The following FUT8 variants were observed in gnomAD, a reference collection of about 807,000 sequenced individuals.
FUT8 encodes the protein fucosyltransferase 8.
A neutral mutation model predicts 71.3 loss-of-function variants in FUT8; 29 were observed. The ratio of observed to expected loss-of-function variants is 0.41; its 90% CI spans 0.30 to 0.55. The LOEUF (loss-of-function observed/expected upper bound fraction) is 0.55. FUT8 is among the 20% of genes least tolerant of loss of function. The pLI, the probability that FUT8 is intolerant of heterozygous loss-of-function variation, is 0.34. For synonymous variants in FUT8, 254 were observed against 239.3 expected (o/e 1.06, Z -0.57); for missense variants, 544 against 702.1 (o/e 0.77, Z 2.55).
intron 6 of FUT8, among the ~76,000 whole-genome samples, chr14:65,664,691 G>T (rs1346420325): frequency 6.6e-6 from 1 of 152,012 alleles, no homozygotes; most frequent in East Asian, 1.9e-4. Context: ...TTGTTTCTAG[G>T]GCTCTGCTTG....
intron 6 of FUT8, among the ~76,000 whole-genome samples, chr14:65,639,086 C>A (rs1890705218): frequency 1.3e-5 from 2 of 151,710 alleles, no homozygotes; most frequent in Non-Finnish European, 2.9e-5. Context: ...AAAGAAAATA[C>A]CTTTTCCAAG....
chr14:65,681,645 T>C (rs1380176539), intron 7 of FUT8, among the ~76,000 whole-genome samples: 1 of 152,360 alleles, frequency 6.6e-6, no homozygotes, highest in East Asian at 1.9e-4. Context: ...TGTATGTGTG[T>C]ATGTGAGTGT....
the FUT8 span, among the ~76,000 whole-genome samples, chr14:65,398,231 G>C: frequency 6.6e-6 from 1 of 152,100 alleles, no homozygotes; most frequent in Non-Finnish European, 1.5e-5. Context: ...CACAATCATA[G>C]CTCACTGCAG....
intron 2 of FUT8, among the ~76,000 whole-genome samples, chr14:65,495,035 TTAC>T (rs1322908346): frequency 6.6e-6 from 1 of 152,058 alleles, no homozygotes; most frequent in East Asian, 1.9e-4. Flanking sequence ...CACACAGTTC[TTAC>T]TTAGTGTGAA....
chr14:65,582,130 C>T (rs1430365530), intron 3 of FUT8, among the ~76,000 whole-genome samples: 1 of 152,118 alleles, frequency 6.6e-6, no homozygotes, highest in Non-Finnish European at 1.5e-5. Flanking sequence ...ATAAGTGTCA[C>T]ATGATGAGTT....
At chr14:65,363,183 G>A in the FUT8 span, among the ~76,000 whole-genome samples, 2 of 152,098 alleles carry the variant, frequency 1.3e-5, no homozygotes, top group South Asian at 4.1e-4. Flanking sequence ...GTACAGTGGT[G>A]TGACCTCGGC....
chr14:65,448,090 A>C (rs1473499326), intron 1 of FUT8, among the ~76,000 whole-genome samples: 1 of 152,202 alleles, frequency 6.6e-6, no homozygotes, highest in African/African-American at 2.4e-5. Context: ...TGACCTGTTG[A>C]TTCTATCTCT....
At chr14:65,485,499 A>AT (rs1433557650) in intron 2 of FUT8, among the ~76,000 whole-genome samples, 1 of 152,182 alleles carries the variant, frequency 6.6e-6, no homozygotes, top group Admixed American at 6.5e-5. Flanking sequence ...ACTCCACTCA[A>AT]TGTCCTCTGT....
intron 6 of FUT8, 73 bp downstream of exon 6, chr14:65,629,679 T>C: frequency 9.3e-7 from 1 of 1,072,452 alleles, no homozygotes; most frequent in South Asian, 1.3e-5. Context: ...AGTAATAATT[T>C]CAGTTGTTTT....
At chr14:65,693,484 C>G (rs956358896) in intron 7 of FUT8, among the ~76,000 whole-genome samples, 7 of 152,280 alleles carry the variant, frequency 4.6e-5, no homozygotes, top group African/African-American at 9.6e-5. Flanking sequence ...AGCTTCAGCT[C>G]GGCATCACAG....
chr14:65,399,856 C>G, the FUT8 span, among the ~76,000 whole-genome samples: 1 of 152,150 alleles, frequency 6.6e-6, no homozygotes, highest in Non-Finnish European at 1.5e-5. Context: ...TTTGCAAGAT[C>G]TAATAACATG....
chr14:65,723,370 G>A (rs933020560), intron 8 of FUT8, among the ~76,000 whole-genome samples: 6 of 152,052 alleles, frequency 3.9e-5, no homozygotes, highest in African/African-American at 1.4e-4. Context: ...GGAGGAGAGA[G>A]GAGAAAACTG....
chr14:65,416,328 T>C (rs535198444), intron 1 of FUT8, among the ~76,000 whole-genome samples: 58 of 150,434 alleles, frequency 3.9e-4, no homozygotes, highest in East Asian at 7.9e-4. Context: ...TTTTTTTTTT[T>C]CCCCCAAAGA....
the FUT8 span, among the ~76,000 whole-genome samples, chr14:65,386,708 T>C: frequency 2.6e-5 from 4 of 151,944 alleles, no homozygotes; most frequent in African/African-American, 9.7e-5. Flanking sequence ...ATTAATTTAT[T>C]TTTTTCCTCA....
At chr14:65,486,014 C>CT (rs1271589625) in intron 2 of FUT8, among the ~76,000 whole-genome samples, 1 of 152,170 alleles carries the variant, frequency 6.6e-6, no homozygotes, top group African/African-American at 2.4e-5. Context: ...CTGGTTGTTA[C>CT]TGCATCCTGA....
intron 2 of FUT8, among the ~76,000 whole-genome samples, chr14:65,474,006 G>T (rs1469498166): frequency 6.6e-6 from 1 of 152,148 alleles, no homozygotes; most frequent in Non-Finnish European, 1.5e-5. Flanking sequence ...CAATTTGGGT[G>T]GAGCTGTAGG....
At chr14:65,705,716 T>G (rs1410385613) in intron 7 of FUT8, among the ~76,000 whole-genome samples, 1 of 152,232 alleles carries the variant, frequency 6.6e-6, no homozygotes, top group Non-Finnish European at 1.5e-5. Flanking sequence ...TATTCTGTGT[T>G]TCAGTACAGA....
intron 9 of FUT8, among the ~76,000 whole-genome samples, chr14:65,727,821 T>C (rs1004088046): frequency 3.9e-5 from 6 of 152,200 alleles, no homozygotes; most frequent in Non-Finnish European, 7.3e-5. Flanking sequence ...GCTCCCCTTA[T>C]AAAACTGAAT....
chr14:65,485,375 G>A (rs1283919483), intron 2 of FUT8, among the ~76,000 whole-genome samples: 2 of 152,082 alleles, frequency 1.3e-5, no homozygotes, highest in African/African-American at 4.8e-5. Context: ...TTCCGGATAT[G>A]TAGTTATTTA....
Sources: gnomAD v4.1 joint callset for allele counts (sites outside exome capture counted in the v4.1 genomes callset) on GRCh38, gnomAD v4.1.1 for gene constraint, MANE v1.5 for transcripts, NCBI Gene and HGNC (gene_info 2026-07-23, HGNC 2026-07-21) for gene names.